The following THSD7B variants were observed in gnomAD, a reference collection of about 807,000 sequenced individuals.
The protein encoded by THSD7B is thrombospondin type 1 domain containing 7B.
A neutral mutation model predicts 213.6 loss-of-function variants in THSD7B; 138 were observed. That is an observed-to-expected ratio of 0.65 (90% CI 0.56 to 0.74). The LOEUF (loss-of-function observed/expected upper bound fraction) is 0.74. Among genes scored for constraint, THSD7B ranks in the 30% least tolerant of loss-of-function variants. The pLI, the probability that THSD7B is intolerant of heterozygous loss-of-function variation, is 0.00. For synonymous variants in THSD7B, 742 were observed against 687.0 expected (o/e 1.08, Z -1.25); for missense variants, 1,931 against 1,991.5 (o/e 0.97, Z 0.58).
intron 2 of THSD7B, among the ~76,000 whole-genome samples, chr2:136,936,343 T>G (rs938942925): frequency 2.6e-5 from 4 of 151,994 alleles, no homozygotes; most frequent in African/African-American, 9.7e-5. Flanking sequence ...AGAAAAGAAG[T>G]CATTATACGG....
At chr2:136,975,777 A>T (rs981522108) in intron 2 of THSD7B, among the ~76,000 whole-genome samples, 1 of 152,212 alleles carries the variant, frequency 6.6e-6, no homozygotes, top group African/African-American at 2.4e-5. Flanking sequence ...TGCTTTGGGC[A>T]GTATGGCCAT....
At chr2:137,611,005 T>TAAA (rs1558859078) in intron 17 of THSD7B, among the ~76,000 whole-genome samples, 39 of 146,352 alleles carry the variant, frequency 2.7e-4, no homozygotes, top group African/African-American at 9.2e-4. Flanking sequence ...ATAATAATAA[T>TAAA]AAATAAAAAA....
intron 5 of THSD7B, among the ~76,000 whole-genome samples, chr2:137,130,884 G>T (rs1362212055): frequency 6.7e-6 from 1 of 149,668 alleles, no homozygotes; most frequent in Non-Finnish European, 1.5e-5. Flanking sequence ...AGTCCTTTGG[G>T]TATATACCCA....
intron 1 of THSD7B, among the ~76,000 whole-genome samples, chr2:136,825,010 G>A (rs1484310498): frequency 1.3e-5 from 2 of 152,126 alleles, no homozygotes; most frequent in Non-Finnish European, 2.9e-5. Flanking sequence ...TAGGTTTCTG[G>A]TTTATTTTCT....
intron 12 of THSD7B, among the ~76,000 whole-genome samples, chr2:137,283,088 G>T (rs1213590608): frequency 6.6e-6 from 1 of 152,078 alleles, no homozygotes; most frequent in Non-Finnish European, 1.5e-5. Context: ...TCATTGATCA[G>T]TGATTTGTCA....
intron 12 of THSD7B, among the ~76,000 whole-genome samples, chr2:137,279,809 G>C (rs1682961115): frequency 6.6e-6 from 1 of 152,128 alleles, no homozygotes; most frequent in Admixed American, 6.6e-5. Context: ...CACATGCTAA[G>C]CATCATAACC....
intron 2 of THSD7B, among the ~76,000 whole-genome samples, chr2:137,017,904 T>A (rs1353303550): frequency 1.3e-5 from 2 of 152,272 alleles, no homozygotes; most frequent in East Asian, 3.9e-4. Flanking sequence ...CTTGCACTGT[T>A]GTAATATTGC....
intron 6 of THSD7B, among the ~76,000 whole-genome samples, chr2:137,161,421 A>G (rs1489026000): frequency 1.4e-5 from 2 of 142,284 alleles, no homozygotes; most frequent in African/African-American, 2.5e-5. Context: ...GCATGCTTGC[A>G]TACCTAGCAC....
At chr2:137,372,013 A>G (rs543813337) in intron 12 of THSD7B, among the ~76,000 whole-genome samples, 43 of 152,200 alleles carry the variant, frequency 2.8e-4, no homozygotes, top group African/African-American at 9.9e-4. Flanking sequence ...TCTTTTTAAG[A>G]TTGAAGTAAA....
chr2:137,519,575 CT>C (rs540569985), intron 15 of THSD7B, among the ~76,000 whole-genome samples: 25 of 152,304 alleles, frequency 1.6e-4, no homozygotes, highest in Middle Eastern at 3.4e-3. Context: ...GGCGTAACTA[CT>C]TCAGACTGGC....
At chr2:137,181,286 T>C (rs1261833135) in intron 7 of THSD7B, among the ~76,000 whole-genome samples, 1 of 152,156 alleles carries the variant, frequency 6.6e-6, no homozygotes, top group East Asian at 1.9e-4. Flanking sequence ...GAGATATTCC[T>C]AGAGGAGGGT....
intron 15 of THSD7B, among the ~76,000 whole-genome samples, chr2:137,488,231 T>C (rs1471854035): frequency 6.6e-6 from 1 of 152,172 alleles, no homozygotes; most frequent in East Asian, 1.9e-4. Flanking sequence ...GTAACTCATT[T>C]CTAACACTTA....
intron 2 of THSD7B, among the ~76,000 whole-genome samples, chr2:136,886,289 C>A (rs1045333030): frequency 2.0e-5 from 3 of 152,052 alleles, no homozygotes; most frequent in Non-Finnish European, 4.4e-5. Flanking sequence ...TGTTGACTTT[C>A]TTTTCAATAA....
intron 2 of THSD7B, among the ~76,000 whole-genome samples, chr2:136,976,642 TTC>T (rs1685486041): frequency 6.6e-6 from 1 of 152,096 alleles, no homozygotes; most frequent in African/African-American, 2.4e-5. Flanking sequence ...CTTTTTTTTT[TTC>T]TTTTTTTGAG....
intron 21 of THSD7B, among the ~76,000 whole-genome samples, chr2:137,646,792 T>C (rs779536410): frequency 6.6e-6 from 1 of 152,056 alleles, no homozygotes; most frequent in Non-Finnish European, 1.5e-5. Flanking sequence ...TATAGCAACA[T>C]GAACAGACTA....
rs116563813 is a variant in THSD7B at position 137,226,430 on chromosome 2, A to G, written c.1724-4614A>G. Among the ~76,000 whole-genome samples the G allele has an allele frequency of 5.2e-3, 794 of 151,742 alleles. 17 individuals carry two copies. The highest frequency in any genetic ancestry group is 0.018 in the African/African-American group (753 of 41,494). Reference sequence around the variant, plus strand: ...CACCTGTACTCTAGGGTCAGAAAATAAGAATTATAGACTATGCTGTTTGTT... The same window carrying G: ...CACCTGTACTCTAGGGTCAGAAAATGAGAATTATAGACTATGCTGTTTGTT... On this transcript the variant is annotated intron_variant, in intron 7 of 27. Transcript: ENST00000409968.
At chr2:137,143,449 T>G (rs16838223) in intron 5 of THSD7B, among the ~76,000 whole-genome samples, 1 of 151,912 alleles carries the variant, frequency 6.6e-6, no homozygotes, top group African/African-American at 2.4e-5. Flanking sequence ...GATTTAGGAG[T>G]TCAACAGTTT....
At chr2:136,920,326 G>T (rs2105033509) in intron 2 of THSD7B, among the ~76,000 whole-genome samples, 2 of 152,322 alleles carry the variant, frequency 1.3e-5, no homozygotes, top group Admixed American at 1.3e-4. Flanking sequence ...TCTCAGCAGG[G>T]AGGAGACCTG....
chr2:137,253,751 T>A (rs569500825), intron 10 of THSD7B, among the ~76,000 whole-genome samples: 12 of 152,338 alleles, frequency 7.9e-5, no homozygotes, highest in African/African-American at 2.9e-4. Flanking sequence ...TTCCTTCAGT[T>A]TATTAAATAA....
Sources: allele counts gnomAD v4.1 joint callset (sites outside exome capture counted in the v4.1 genomes callset), GRCh38; gene constraint gnomAD v4.1.1; transcripts MANE v1.5; gene names NCBI Gene and HGNC (gene_info 2026-07-23, HGNC 2026-07-21).